Variants in SND1 observed in about 807,000 individuals in gnomAD.
The protein encoded by SND1 is staphylococcal nuclease and tudor domain containing 1, also known as staphylococcal nuclease domain-containing protein 1.
In SND1, 38 loss-of-function variants were observed where a neutral mutation model predicts 121.7. That is an observed-to-expected ratio of 0.31 (90% confidence interval 0.24 to 0.41). SND1 has a LOEUF of 0.41. SND1 is among the 10% of genes least tolerant of loss of function. The pLI is 1.00. For synonymous variants in SND1, 401 were observed against 447.4 expected (o/e 0.90, Z 1.31); for missense variants, 868 against 1,184.6 (o/e 0.73, Z 3.92).
chr7:127,931,578 T>A (rs919834950), intron 15 of SND1, among the ~76,000 whole-genome samples: 2 of 152,222 alleles, frequency 1.3e-5, no homozygotes, highest in African/African-American at 4.8e-5. Flanking sequence ...AACACCAGAT[T>A]TTCAGTGTAG....
chr7:127,796,645 T>C (rs984394489), intron 10 of SND1, among the ~76,000 whole-genome samples: 1 of 152,196 alleles, frequency 6.6e-6, no homozygotes, highest in African/African-American at 2.4e-5. Flanking sequence ...TTTGCTCTTG[T>C]TAACATCCAT....
At chr7:127,718,511 C>G in intron 9 of SND1, 1 of 953,510 alleles carries the variant, frequency 1.0e-6, no homozygotes, top group Non-Finnish European at 1.2e-6. Context: ...TGCACTCACC[C>G]TTCCTATCTT....
intron 2 of SND1, among the ~76,000 whole-genome samples, chr7:127,691,120 T>C (rs1795905913): frequency 6.6e-6 from 1 of 152,222 alleles, no homozygotes; most frequent in Admixed American, 6.5e-5. Flanking sequence ...TAAAGTTGTT[T>C]ATGTTTTCAT....
chr7:128,092,032 G>A lies in SND1; in HGVS notation c.2707G>A (p.Ala903Thr), dbSNP rs1005410141. The change falls in exon 24 of 24, where the codon GCA becomes ACA. Residue 903 changes from alanine to threonine, a missense_variant. Physicochemically the swap from Ala to Thr is moderately conservative, Grantham distance 58 (BLOSUM62 0). Coordinates refer to ENST00000354725, the MANE Select transcript of SND1 (RefSeq NM_014390.4). This position sits in a 1 kb window ranked among gnomAD's most constrained non-coding sequence, Gnocchi z 4.9. ...WRYGDFRADDADEFGYSR is the reference protein window; with the variant it reads ...WRYGDFRADDTDEFGYSR Reference sequence around the variant, plus strand: ...CTATGGAGACTTTCGAGCTGATGATGCAGACGAATTTGGCTACAGCCGCTA... The same window carrying A: ...CTATGGAGACTTTCGAGCTGATGATACAGACGAATTTGGCTACAGCCGCTA... 3 of 1,613,982 alleles carry A rather than the reference G, an allele frequency of 1.9e-6. No individual in the cohort carries two copies. Among genetic ancestry groups the A allele is most frequent in the Admixed American group, 1.7e-5 (1 of 60,010 alleles).
intron 6 of SND1, 33 bp from the exon 7 acceptor site, chr7:127,703,132 C>T (rs1796132331): frequency 6.2e-7 from 1 of 1,613,310 alleles, no homozygotes; most frequent in African/African-American, 1.3e-5. Flanking sequence ...CACATTTAGG[C>T]TGCATTACTC....
At chr7:127,693,823 C>T (rs1184761938) in intron 2 of SND1, among the ~76,000 whole-genome samples, 2 of 152,186 alleles carry the variant, frequency 1.3e-5, no homozygotes, top group Non-Finnish European at 2.9e-5. Context: ...ACTAAGGGAA[C>T]TTGGGACATT....
At chr7:127,796,696 T>C (rs1798033537) in intron 10 of SND1, among the ~76,000 whole-genome samples, 2 of 152,202 alleles carry the variant, frequency 1.3e-5, no homozygotes, top group Admixed American at 6.5e-5. Context: ...CTTTGCTTCT[T>C]AGCAGCAGTA....
chr7:127,716,790 A>G (rs1175001226), intron 9 of SND1, among the ~76,000 whole-genome samples: 1 of 152,170 alleles, frequency 6.6e-6, no homozygotes, highest in African/African-American at 2.4e-5. Context: ...TATTTTTGGC[A>G]TTATCTGGAT....
intron 15 of SND1, among the ~76,000 whole-genome samples, chr7:127,963,181 T>C (rs1443271552): frequency 1.3e-5 from 2 of 152,038 alleles, no homozygotes; most frequent in African/African-American, 2.4e-5. Flanking sequence ...TGCAGCAAGT[T>C]GTTCACTTTG....
chr7:127,973,860 G>A (rs922157843), intron 15 of SND1, among the ~76,000 whole-genome samples: 9 of 152,234 alleles, frequency 5.9e-5, no homozygotes, highest in Admixed American at 2.0e-4. Context: ...TTCTAAAGCA[G>A]CCCTGAATTG....
At position 128,028,716 on chromosome 7, in the gene SND1, G is replaced by A. The variant is rs117070316; in HGVS notation, c.1779+37660G>A. On this transcript the variant is annotated intron_variant, in intron 16 of 23. Transcript: ENST00000354725. ...TTCCTGTACCTTGTCCTTGGTATGG[G>A]TCTGAATTATATAAGGTTCAGAGAT... The A allele has an allele frequency of 6.2e-7, 1 of 1,613,978 alleles. No homozygotes were observed. The highest frequency in any genetic ancestry group is 8.5e-7 in the Non-Finnish European group (1 of 1,179,970).
intron 10 of SND1, among the ~76,000 whole-genome samples, chr7:127,757,262 C>G (rs544354697): frequency 2.4e-3 from 371 of 152,252 alleles, no homozygotes; most frequent in Non-Finnish European, 4.2e-3. Flanking sequence ...TTATTTATAT[C>G]ACTAGTGGTT....
At chr7:128,025,926 A>G (rs1803465574) in intron 16 of SND1, among the ~76,000 whole-genome samples, 1 of 151,744 alleles carries the variant, frequency 6.6e-6, no homozygotes, top group East Asian at 1.9e-4. Context: ...TTTTAGGCCC[A>G]TTTCTGTACC....
At chr7:128,041,241 C>T (rs759142517) in intron 16 of SND1, among the ~76,000 whole-genome samples, 31 of 152,022 alleles carry the variant, frequency 2.0e-4, no homozygotes, top group Non-Finnish European at 3.8e-4. Context: ...TTGAGATTAG[C>T]CTGGGCAATA....
chr7:127,980,109 CTTTTTTTTTTT>C (rs1049614462), intron 15 of SND1, among the ~76,000 whole-genome samples: 1 of 58,648 alleles, frequency 1.7e-5, no homozygotes, highest in East Asian at 2.7e-4. Context: ...TATTCTTTTT[CTTTTTTTTTTT>C]TTTTTTTTTT....
intron 10 of SND1, among the ~76,000 whole-genome samples, chr7:127,797,552 G>A (rs1476092365): frequency 6.6e-6 from 1 of 152,154 alleles, no homozygotes; most frequent in Non-Finnish European, 1.5e-5. Flanking sequence ...AGCACTTCGG[G>A]GGTGGGAAAT....
intron 16 of SND1, among the ~76,000 whole-genome samples, chr7:128,005,974 A>G (rs567342154): frequency 6.6e-6 from 1 of 152,260 alleles, no homozygotes; most frequent in African/African-American, 2.4e-5. Flanking sequence ...TGCTGAGTGA[A>G]AAGTCCATGA....
chr7:127,856,393 C>G (rs982239627), intron 12 of SND1, among the ~76,000 whole-genome samples: 1 of 152,356 alleles, frequency 6.6e-6, no homozygotes, highest in East Asian at 1.9e-4. Flanking sequence ...AAGGCTTACT[C>G]AAAGCCATAG....
At chr7:128,050,698 T>C (rs2117019989) in intron 16 of SND1, among the ~76,000 whole-genome samples, 1 of 152,328 alleles carries the variant, frequency 6.6e-6, no homozygotes, top group East Asian at 1.9e-4. Flanking sequence ...CTTCCATTTA[T>C]CATGTCACCT....
Sources: gnomAD v4.1 joint callset for allele counts (sites outside exome capture counted in the v4.1 genomes callset) on GRCh38, gnomAD v4.1.1 for gene constraint, Gnocchi (gnomAD v3.1) non-coding constraint, MANE v1.5 for transcripts, NCBI Gene and HGNC (gene_info 2026-07-23, HGNC 2026-07-21) for gene names.